FAM98A: variants seen among roughly 807,000 people sequenced by gnomAD.
The protein encoded by FAM98A is protein FAM98A.
A neutral mutation model predicts 62.9 loss-of-function variants in FAM98A; 25 were observed. The ratio of observed to expected loss-of-function variants is 0.40; its 90% CI spans 0.29 to 0.56. FAM98A has a LOEUF of 0.56. Among genes scored for constraint, FAM98A ranks in the 20% least tolerant of loss-of-function variants. The pLI is 0.51. For missense variants in FAM98A, 653 were observed against 640.7 expected (o/e 1.02, Z -0.21); for synonymous variants, 252 against 228.6 (o/e 1.10, Z -0.92).
intron 2 of FAM98A, among the ~76,000 whole-genome samples, chr2:33,592,758 G>T (rs1677700119): frequency 5.3e-5 from 8 of 152,090 alleles, no homozygotes; most frequent in Admixed American, 5.2e-4. Context: ...CATCCAATCT[G>T]ATTTTTTTCT....
chr2:33,588,891 T>G (rs940802423), intron 3 of FAM98A: 6 of 136,030 alleles, frequency 4.4e-5, no homozygotes, highest in Non-Finnish European at 8.1e-5. Flanking sequence ...CAATTTTTAA[T>G]GACAATTAAT....
Position 33,583,936 on chromosome 2 carries a change from C to A in FAM98A, c.*840G>T, listed in dbSNP as rs1677474254. 6.6e-6 allele frequency: 1 copy of A among 152,644 alleles called. No individual in the cohort carries two copies. 9.5% of individuals were successfully genotyped at this position (152,644 alleles called of 1,614,324 possible). Reference sequence around the variant, plus strand: ...AAGTTACCTGCTTAAAGCAAACTAACTTGTATTTGCTGAGCCAGTGGTATT... The same window carrying A: ...AAGTTACCTGCTTAAAGCAAACTAAATTGTATTTGCTGAGCCAGTGGTATT... On this transcript the variant is annotated 3_prime_UTR_variant, in exon 8 of 8. Transcript: ENST00000238823.
intron 4 of FAM98A, chr2:33,588,131 C>G (rs1471613189): frequency 1.0e-5 from 6 of 580,746 alleles, no homozygotes; most frequent in African/African-American, 1.9e-5. Context: ...AAGAAACATG[C>G]TAACATGTTT....
intron 1 of FAM98A, 53 bp from the exon 2 acceptor site, chr2:33,595,690 T>C: frequency 7.4e-7 from 1 of 1,359,196 alleles, no homozygotes; most frequent in Non-Finnish European, 1.0e-6. Flanking sequence ...ACCTAATATA[T>C]TACAGATAAA....
rs1677790568 is a variant in FAM98A, at chr2:33,595,513, C to G, written c.178G>C (p.Glu60Gln). ...VSELRVLCKL[E>Q]ENVQATNSPS... ...CTGTTAGTTGCTTGCACGTTTTCCT[C>G]TAGTTTACAGAGCACTCTTAATTCA... Residue 60 changes from glutamate to glutamine, a missense_variant, in exon 2 of 8, where the codon GAG becomes CAG. Coordinates refer to ENST00000238823, the MANE Select transcript of FAM98A (RefSeq NM_015475.5). 9 of 1,605,978 alleles carry G rather than the reference C, an allele frequency of 5.6e-6. No individual in the cohort carries two copies. Among genetic ancestry groups the G allele is most frequent in the Non-Finnish European group, 7.6e-6 (9 of 1,177,168 alleles).
chr2:33,593,677 G>A (rs1677725540), intron 2 of FAM98A, among the ~76,000 whole-genome samples: 1 of 152,120 alleles, frequency 6.6e-6, no homozygotes, highest in Non-Finnish European at 1.5e-5. Flanking sequence ...TTTCTAATCT[G>A]TAATACAGGA....
intron 2 of FAM98A, 91 bp from the exon 3 acceptor site, chr2:33,592,305 G>T: frequency 9.4e-7 from 1 of 1,059,348 alleles, no homozygotes; most frequent in Non-Finnish European, 1.3e-6. Flanking sequence ...TTGTTAATAG[G>T]ATTTTCATAA....
At position 33,585,166 on chromosome 2, in the gene FAM98A, A is replaced by G; in HGVS notation, c.1167T>C (p.Gly389=). 6.2e-7 allele frequency: 1 copy of G among 1,613,562 alleles called. No individual in the cohort carries two copies. The highest frequency in any genetic ancestry group is 8.5e-7 in the Non-Finnish European group (1 of 1,179,854). ...HQGGWTDGGS[G]GGGGYQDGGY... ...CACCATCTTGGTAGCCACCTCCTCC[A>G]CCACTCCCTCCATCTGTCCAGCCTC... The change falls in exon 8 of 8, where the codon GGT becomes GGC. Residue 389 remains glycine (G), a synonymous_variant. Coordinates refer to ENST00000238823, the MANE Select transcript of FAM98A (RefSeq NM_015475.5).
Position 33,584,376 on chromosome 2 carries a change from G to C in FAM98A, c.*400C>G, listed in dbSNP as rs773116016. 5.5e-6 allele frequency: 1 copy of C among 180,890 alleles called. No homozygotes were observed. Among genetic ancestry groups the C allele is most frequent in the Non-Finnish European group, 1.2e-5 (1 of 85,742 alleles). 11.2% of individuals were successfully genotyped at this position (180,890 alleles called of 1,614,324 possible). A position where few individuals can be genotyped will look rare whatever the true frequency, so the allele number is the denominator to read the frequency against. The stretch of plus-strand genomic sequence containing the variant: ...TATAAATGGTTATTCATATGAGGAA[G>C]GTTTCCTAGTAGTAAATCTAAAAAA... On this transcript the variant is annotated 3_prime_UTR_variant, in exon 8 of 8. Transcript: ENST00000238823.
At chr2:33,595,354 A>C (rs548249806) in intron 2 of FAM98A, 135 bp downstream of exon 2, 3 of 678,808 alleles carry the variant, frequency 4.4e-6, no homozygotes, top group East Asian at 7.0e-5. Flanking sequence ...GGACGGAAAA[A>C]AAATCTTGGC....
At chr2:33,591,778 T>A (rs1677676614) in intron 3 of FAM98A, 1 of 213,556 alleles carries the variant, frequency 4.7e-6, no homozygotes, top group Admixed American at 5.4e-5. Context: ...AATGTAAGTT[T>A]AATGATCACA....
At chr2:33,597,195 G>A (rs920496564) in intron 1 of FAM98A, among the ~76,000 whole-genome samples, 1 of 152,070 alleles carries the variant, frequency 6.6e-6, no homozygotes, top group Non-Finnish European at 1.5e-5. Flanking sequence ...CCAGGTAAGA[G>A]ATAAAAGATG....
intron 1 of FAM98A, 69 bp from the exon 2 acceptor site, chr2:33,595,706 T>G: frequency 9.1e-7 from 1 of 1,102,178 alleles, no homozygotes; most frequent in Non-Finnish European, 1.3e-6. Flanking sequence ...ATAAAACATA[T>G]CTATGTCTTA....
At chr2:33,588,561 T>C (rs2151144223) in intron 3 of FAM98A, 42 bp from the exon 4 acceptor site, 3 of 1,542,496 alleles carry the variant, frequency 1.9e-6, no homozygotes, top group East Asian at 4.5e-5. Flanking sequence ...GATACAGCTA[T>C]AGTTATAGTC....
intron 1 of FAM98A, among the ~76,000 whole-genome samples, chr2:33,598,665 C>T (rs1465426933): frequency 6.6e-6 from 1 of 152,094 alleles, no homozygotes; most frequent in Non-Finnish European, 1.5e-5. Context: ...AGCGCCCATA[C>T]AAGTGGCTTA....
rs1316618836 is a variant in FAM98A at position 33,592,385 on chromosome 2, T to C, written c.203-171A>G. ...CAAAGTTTCTTCTTTTTTTTTCTTT[T>C]TTGAGATAAGGTCTCTGAGGCCTAG... On this transcript the variant is annotated intron_variant, in intron 2 of 7. Transcript: ENST00000238823. 4.6e-5 allele frequency among the ~76,000 whole-genome samples: 7 copies of C among 152,152 alleles called. No homozygotes were observed. In the South Asian group the frequency reaches 1.2e-3, roughly 27 times the overall value.
intron 2 of FAM98A, among the ~76,000 whole-genome samples, chr2:33,594,588 C>A (rs1391998679): frequency 7.3e-6 from 1 of 136,850 alleles, no homozygotes; most frequent in African/African-American, 2.8e-5. Context: ...CACACACACA[C>A]ACACACACAC....
chr2:33,596,024 T>C (rs115720727), intron 1 of FAM98A, among the ~76,000 whole-genome samples: 94 of 152,312 alleles, frequency 6.2e-4, no homozygotes, highest in African/African-American at 2.3e-3. Flanking sequence ...ATTTCAGAAA[T>C]AAAACTTAGG....
intron 1 of FAM98A, among the ~76,000 whole-genome samples, chr2:33,597,707 C>T (rs7572881): frequency 2.2e-3 from 335 of 152,298 alleles, no homozygotes; most frequent in African/African-American, 7.8e-3. Flanking sequence ...TTTCATTCCA[C>T]TCATTCCACT....
Sources: allele counts gnomAD v4.1 joint callset (sites outside exome capture counted in the v4.1 genomes callset), GRCh38; gene constraint gnomAD v4.1.1; transcripts MANE v1.5; gene names NCBI Gene and HGNC (gene_info 2026-07-23, HGNC 2026-07-21).